Variants in KYNU observed in about 807,000 individuals in gnomAD.
The protein encoded by KYNU is L-kynurenine hydrolase.
A neutral mutation model predicts 59.2 loss-of-function variants in KYNU; 54 were observed. The observed-to-expected ratio is 0.91, with a 90% CI of 0.73 to 1.14. The LOEUF (loss-of-function observed/expected upper bound fraction) is 1.14. Among genes scored for constraint, KYNU ranks in the 50% most tolerant of loss-of-function variants. The pLI, the probability that KYNU is intolerant of heterozygous loss-of-function variation, is 0.00. For synonymous variants in KYNU, 177 were observed against 192.0 expected (o/e 0.92, Z 0.65); for missense variants, 567 against 554.4 (o/e 1.02, Z -0.23).
At chr2:142,908,083 T>A (rs1487762718) in intron 2 of KYNU, among the ~76,000 whole-genome samples, 1 of 152,160 alleles carries the variant, frequency 6.6e-6, no homozygotes, top group Non-Finnish European at 1.5e-5. Flanking sequence ...GTTTATTGAG[T>A]GTTTGTATAT....
In KYNU at chr2:142,960,604, T is replaced by C. The variant is rs1198069116; in HGVS notation, c.583-20T>C. 4.3e-6 allele frequency: 7 copies of C among 1,609,482 alleles called. No individual in the cohort carries two copies. Among genetic ancestry groups the C allele is most frequent in the Non-Finnish European group, 6.0e-6 (7 of 1,176,034 alleles). The stretch of plus-strand genomic sequence containing the variant: ...TTTATTATTATCGATATGACCTAAC[T>C]TGTGCCTAACTTGATTTAGGGGGAA... On this transcript the variant is annotated intron_variant, in intron 7 of 13. Coordinates refer to ENST00000264170, the MANE Select transcript of KYNU (RefSeq NM_003937.3).
At chr2:142,943,186 G>A (rs1345232804) in intron 4 of KYNU, among the ~76,000 whole-genome samples, 1 of 151,508 alleles carries the variant, frequency 6.6e-6, no homozygotes, top group Non-Finnish European at 1.5e-5. Flanking sequence ...CTGGTGATGG[G>A]AAGGAGATGC....
At chr2:142,892,974 A>G (rs1242462772) in intron 2 of KYNU, among the ~76,000 whole-genome samples, 4 of 152,194 alleles carry the variant, frequency 2.6e-5, no homozygotes, top group Non-Finnish European at 4.4e-5. Flanking sequence ...TAACGCATAT[A>G]TAGACCTAAG....
intron 8 of KYNU, among the ~76,000 whole-genome samples, chr2:142,968,932 A>G (rs981824967): frequency 3.9e-5 from 6 of 152,182 alleles, no homozygotes; most frequent in Middle Eastern, 3.4e-3. Flanking sequence ...AAATAAATAA[A>G]TAAATATGCT....
intron 4 of KYNU, among the ~76,000 whole-genome samples, chr2:142,934,522 G>C (rs536955131): frequency 1.3e-5 from 2 of 152,198 alleles, no homozygotes; most frequent in South Asian, 2.1e-4. Context: ...GGTGTATAGG[G>C]AGCAGAAAAG....
At chr2:142,966,449 A>C (rs537725515) in intron 8 of KYNU, among the ~76,000 whole-genome samples, 16 of 152,308 alleles carry the variant, frequency 1.1e-4, no homozygotes, top group Non-Finnish European at 2.1e-4. Flanking sequence ...TATTCCATTG[A>C]CTAACACTCA....
At chr2:142,913,776 A>C (rs1682584141) in intron 2 of KYNU, among the ~76,000 whole-genome samples, 1 of 152,168 alleles carries the variant, frequency 6.6e-6, no homozygotes, top group Non-Finnish European at 1.5e-5. Flanking sequence ...TGATCTGTCT[A>C]ATGCTCTCTT....
chr2:142,986,731 C>G (rs1408043536), intron 10 of KYNU, among the ~76,000 whole-genome samples: 1 of 151,556 alleles, frequency 6.6e-6, no homozygotes, highest in South Asian at 2.1e-4. Flanking sequence ...AAAAAAAACC[C>G]TTTTCATAGT....
intron 4 of KYNU, among the ~76,000 whole-genome samples, chr2:142,935,543 A>G (rs1248918095): frequency 6.6e-6 from 1 of 152,200 alleles, no homozygotes; most frequent in African/African-American, 2.4e-5. Context: ...AGAATAATGT[A>G]GAGGTCATGC....
intron 10 of KYNU, among the ~76,000 whole-genome samples, chr2:143,007,052 A>G (rs1185984177): frequency 2.6e-5 from 4 of 152,148 alleles, no homozygotes; most frequent in Non-Finnish European, 5.9e-5. Flanking sequence ...ACAAAGCTGG[A>G]TGGAGAATGA....
At chr2:142,997,185 A>C (rs1396329907) in intron 10 of KYNU, among the ~76,000 whole-genome samples, 1 of 152,162 alleles carries the variant, frequency 6.6e-6, no homozygotes, top group Non-Finnish European at 1.5e-5. Flanking sequence ...TTTACTGTGA[A>C]TATTAAGACT....
chr2:142,915,643 T>C (rs544931498), intron 2 of KYNU, among the ~76,000 whole-genome samples: 1 of 152,328 alleles, frequency 6.6e-6, no homozygotes, highest in South Asian at 2.1e-4. Flanking sequence ...ATGAGCTTTA[T>C]AGCAATCATA....
intron 10 of KYNU, among the ~76,000 whole-genome samples, chr2:142,998,748 A>T (rs1192812975): frequency 6.6e-6 from 1 of 152,058 alleles, no homozygotes; most frequent in African/African-American, 2.4e-5. Flanking sequence ...AGAGGCTCAT[A>T]CCTGTAATCT....
intron 4 of KYNU, among the ~76,000 whole-genome samples, chr2:142,936,706 T>C (rs1011595195): frequency 2.0e-5 from 3 of 152,174 alleles, no homozygotes; most frequent in African/African-American, 7.2e-5. Flanking sequence ...TGTAGATTTT[T>C]CCCTGTTGAC....
At chr2:142,967,757 G>A (rs1684592554) in intron 8 of KYNU, among the ~76,000 whole-genome samples, 1 of 152,068 alleles carries the variant, frequency 6.6e-6, no homozygotes. Context: ...TCTACAGAAA[G>A]CTTGGCCGTG....
intron 5 of KYNU, 82 bp downstream of exon 5, chr2:142,954,953 T>C (rs750789034): frequency 1.1e-6 from 1 of 887,318 alleles, no homozygotes; most frequent in Non-Finnish European, 1.9e-6. Flanking sequence ...CATGAGCTTC[T>C]GGGGGTTTAC....
intron 1 of KYNU, among the ~76,000 whole-genome samples, chr2:142,880,767 G>T (rs977671445): frequency 1.3e-5 from 2 of 152,150 alleles, no homozygotes; most frequent in Admixed American, 6.5e-5. Flanking sequence ...TCCAACAGAG[G>T]TCTAATAAAC....
At chr2:142,895,211 A>G (rs555447879) in intron 2 of KYNU, among the ~76,000 whole-genome samples, 5 of 152,310 alleles carry the variant, frequency 3.3e-5, no homozygotes, top group African/African-American at 9.6e-5. Flanking sequence ...ATAGAATTAT[A>G]TTAACACACC....
rs533368535 is a variant in KYNU at position 143,047,921 on chromosome 2, C to T, written c.*5749C>T. The T allele has an allele frequency of 1.2e-3, 75 of 63,666 alleles. No homozygotes were observed. The highest frequency in any genetic ancestry group is 3.9e-3 in the African/African-American group (72 of 18,564). 3.9% of individuals were successfully genotyped at this position (63,666 alleles called of 1,614,324 possible). On this transcript the variant is annotated 3_prime_UTR_variant, in exon 14 of 14. Coordinates refer to ENST00000264170, the MANE Select transcript of KYNU (RefSeq NM_003937.3). ...TCACCCAGGCTGGAGTATAGTGGCA[C>T]GATCTCAGCTCACTGCGGGTTCAAG...
Sources: gnomAD v4.1 joint callset for allele counts (sites outside exome capture counted in the v4.1 genomes callset) on GRCh38, gnomAD v4.1.1 for gene constraint, MANE v1.5 for transcripts, NCBI Gene and HGNC (gene_info 2026-07-23, HGNC 2026-07-21) for gene names.